Variants in GYPB observed in about 807,000 individuals in gnomAD.
GYPB encodes the protein glycophorin-B.
In GYPB, 13 loss-of-function variants were observed where a neutral mutation model predicts 15.3. The observed-to-expected ratio is 0.85, with a 90% confidence interval of 0.55 to 1.35. The LOEUF is 1.35. Among genes scored for constraint, GYPB ranks in the 40% most tolerant of loss-of-function variants. The pLI is 0.00. For synonymous variants in GYPB, 38 were observed against 36.9 expected (o/e 1.03, Z -0.11); for missense variants, 131 against 108.3 (o/e 1.21, Z -0.93).
rs543099751 is a variant in GYPB at position 143,997,982 on chromosome 4, C to G, written c.176-348G>C. Among the ~76,000 whole-genome samples, 28 of 151,368 alleles carry G rather than the reference C, an allele frequency of 1.8e-4. 2 individuals are homozygous for G. The highest frequency in any genetic ancestry group is 6.4e-4 in the African/African-American group (26 of 40,722). ...ATATGGGGAAAAAAACCCACAAATT[C>G]TCCCATAGTTTGGAAGTTATGAGAG... On this transcript the variant is annotated intron_variant, in intron 3 of 4. Coordinates refer to ENST00000502664, the MANE Select transcript of GYPB (RefSeq NM_002100.6).
intron 1 of GYPB, among the ~76,000 whole-genome samples, chr4:144,011,026 A>G (rs980333007): frequency 2.0e-5 from 3 of 151,616 alleles, no homozygotes; most frequent in African/African-American, 7.3e-5. Context: ...GTTGTGAATT[A>G]ATGAATGCAT....
At chr4:144,014,636 A>T (rs563851313) in intron 1 of GYPB, among the ~76,000 whole-genome samples, 1 of 151,484 alleles carries the variant, frequency 6.6e-6, no homozygotes, top group South Asian at 2.1e-4. Flanking sequence ...AGGAATTGGA[A>T]GTGGCTGCTA....
chr4:144,009,525 T>C (rs62335618), intron 1 of GYPB, among the ~76,000 whole-genome samples: 6 of 149,332 alleles, frequency 4.0e-5, no homozygotes, highest in South Asian at 2.1e-4. Flanking sequence ...TATGTTCCAA[T>C]AATGATTTGT....
intron 2 of GYPB, 151 bp downstream of exon 2, chr4:144,001,034 T>C (rs1727593033): frequency 1.4e-6 from 2 of 1,384,236 alleles, no homozygotes; most frequent in Non-Finnish European, 1.0e-6. Context: ...TCCTCTGTAG[T>C]AAGAATTGTG....
chr4:143,996,816 A>T (rs1015378398), intron 4 of GYPB, among the ~76,000 whole-genome samples: 3 of 151,374 alleles, frequency 2.0e-5, no homozygotes, highest in African/African-American at 7.4e-5. Flanking sequence ...AAAATCACTG[A>T]TGTTAAGAAT....
At chr4:144,015,809 T>C (rs923478164) in intron 1 of GYPB, among the ~76,000 whole-genome samples, 7 of 151,138 alleles carry the variant, frequency 4.6e-5, no homozygotes, top group Admixed American at 1.3e-4. Context: ...TTTGGGGATT[T>C]ATTGGGGTTT....
chr4:143,999,144 G>A lies in GYPB; in HGVS notation c.175+267C>T, dbSNP rs374792802. The A allele has an allele frequency of 6.1e-4, 194 of 317,902 alleles. 4 individuals carry two copies. The Middle Eastern group carries it at 6.9e-3, about 11-fold the overall frequency. The allele number at this position is 317,902 out of a possible 1,614,324, so 19.7% of individuals were successfully genotyped here. A position where few individuals can be genotyped will look rare whatever the true frequency, so the allele number is the denominator to read the frequency against. ...GCTGTTCTCAAATTCCTGGGCTCAA[G>A]TGATTAGCCAGGCTTGGCCTCCCAA... On this transcript the variant is annotated intron_variant, in intron 3 of 4. Transcript: ENST00000502664.
chr4:144,019,296 C>T lies in GYPB; in HGVS notation c.-9G>A. The T allele has an allele frequency of 6.2e-7, 1 of 1,611,768 alleles. No homozygotes were observed. Among genetic ancestry groups the T allele is most frequent in the Non-Finnish European group, 8.5e-7 (1 of 1,179,420 alleles). ...ATTATTTTTCCATACATCCTGAGAT[C>T]ATGAGCTGGTTCCTGAAGTTAGTGC... On this transcript the variant is annotated 5_prime_UTR_variant, in exon 1 of 5. It removes an upstream start codon present in the reference 5' UTR. Transcript: ENST00000502664.
chr4:143,995,683 T>C (rs1376162193), downstream of GYPB, among the ~76,000 whole-genome samples: 5 of 151,256 alleles, frequency 3.3e-5, no homozygotes, highest in South Asian at 4.2e-4. Flanking sequence ...TTCTCTTTAC[T>C]GTTGAGGAGG....
chr4:143,996,079 A>G (rs186225855), downstream of GYPB: 53 of 1,282,378 alleles, frequency 4.1e-5, no homozygotes, highest in East Asian at 1.1e-3. Flanking sequence ...GCTTGAAATA[A>G]CAAATCATGA....
rs573854914 is a variant in GYPB, at chr4:144,011,514, A to G, written c.37+7737T>C. ...GTGTCATTAAGCAATATATTTCACA[A>G]TGATTCTTAAGTAATTATGGACCAT... On this transcript the variant is annotated intron_variant, in intron 1 of 4. Transcript: ENST00000502664. 1.4e-4 allele frequency among the ~76,000 whole-genome samples: 21 copies of G among 151,488 alleles called. No homozygotes were observed. In the East Asian group the frequency reaches 2.5e-3, roughly 18 times the overall value.
chr4:143,999,330 C>T (rs1394634664), intron 3 of GYPB, 81 bp downstream of exon 3: 11 of 740,762 alleles, frequency 1.5e-5, no homozygotes, highest in Non-Finnish European at 2.6e-5. Context: ...TTAAGATAGA[C>T]ACATTTTCTT....
chr4:143,998,140 C>G (rs1256372051), intron 3 of GYPB, among the ~76,000 whole-genome samples: 1 of 151,320 alleles, frequency 6.6e-6, no homozygotes, highest in Admixed American at 6.6e-5. Context: ...GGTCAGACAA[C>G]TAGTTAAAAG....
intron 1 of GYPB, among the ~76,000 whole-genome samples, chr4:144,014,847 AAAGT>A (rs1216572103): frequency 6.6e-6 from 1 of 151,608 alleles, no homozygotes; most frequent in African/African-American, 2.4e-5. Flanking sequence ...TGCATGGCAC[AAAGT>A]AAGTGCTATA....
chr4:144,009,510 A>G (rs1245339317), intron 1 of GYPB, among the ~76,000 whole-genome samples: 7 of 149,846 alleles, frequency 4.7e-5, no homozygotes, highest in Non-Finnish European at 1.0e-4. Flanking sequence ...ATAAATGAGT[A>G]TGACTATGTT....
At position 144,019,259 on chromosome 4, in the gene GYPB, A is replaced by G. The variant is rs1728660338; in HGVS notation, c.29T>C (p.Leu10Pro). MYGKIIFVLLLSEIVSISAL... is the reference protein window; with the variant it reads MYGKIIFVLPLSEIVSISAL... ...GAAATAAAATCACTTACCTGACAAT[A>G]GTAATACAAAGATTATTTTTCCATA... is the stretch of plus-strand genomic sequence containing the variant. Residue 10 changes from leucine (L) to proline (P), a missense_variant, in exon 1 of 5, where the codon CTA becomes CCA. By Grantham distance (98) the Leu-to-Pro change is moderately conservative. Transcript: ENST00000502664. 17 of 1,611,564 alleles carry G rather than the reference A, an allele frequency of 1.1e-5. No homozygotes were observed. Among genetic ancestry groups the G allele is most frequent in the Non-Finnish European group, 1.4e-5 (17 of 1,179,322 alleles).
intron 1 of GYPB, chr4:144,002,762 G>A (rs1389991281): frequency 2.7e-6 from 3 of 1,115,738 alleles, no homozygotes; most frequent in African/African-American, 3.3e-5. Flanking sequence ...CAAGGGAAGA[G>A]TTCTAAAACC....
At chr4:144,008,486 G>A in intron 1 of GYPB, 1 of 455,162 alleles carries the variant, frequency 2.2e-6, no homozygotes, top group Non-Finnish European at 4.4e-6. Flanking sequence ...AGAGAAGATG[G>A]TTCTGGTTAT....
chr4:143,999,437 T>C lies in GYPB; in HGVS notation c.149A>G (p.Gln50Arg). Residue 50 changes from glutamine to arginine, a missense_variant, in exon 3 of 5, where the codon CAA (glutamine) becomes CGA (arginine). Coordinates refer to ENST00000502664, the MANE Select transcript of GYPB (RefSeq NM_002100.6). Reference protein sequence around the residue: ...ISSQTNGETGQLVHRFTVPAP... With the variant: ...ISSQTNGETGRLVHRFTVPAP... ...TGGTACAGTGAAACGATGGACAAGT[T>C]GTCCCGTTTCTCCTATAAAGCAAAA... 2.0e-6 allele frequency: 3 copies of C among 1,537,138 alleles called. No individual in the cohort carries two copies. Among genetic ancestry groups the C allele is most frequent in the African/African-American group, 1.4e-5 (1 of 71,238 alleles).
Sources: allele counts gnomAD v4.1 joint callset (sites outside exome capture counted in the v4.1 genomes callset), GRCh38; gene constraint gnomAD v4.1.1; transcripts MANE v1.5; gene names NCBI Gene and HGNC (gene_info 2026-07-23, HGNC 2026-07-21).